The following NTAN1 variants were observed in gnomAD, a reference collection of about 807,000 sequenced individuals.
NTAN1 encodes the protein N-terminal asparagine amidase.
NTAN1 carries 32 observed loss-of-function variants against 41.9 expected under a neutral mutation model. The ratio of observed to expected loss-of-function variants is 0.76; its 90% CI spans 0.58 to 1.03. NTAN1 has a LOEUF of 1.03. NTAN1 is among the 50% of genes least tolerant of loss of function. The pLI, the probability that NTAN1 is intolerant of heterozygous loss-of-function variation, is 0.00. For missense variants in NTAN1, 377 were observed against 377.5 expected (o/e 1.00, Z 0.01); for synonymous variants, 140 against 139.5 (o/e 1.00, Z -0.03).
At chr16:15,051,125 G>C (rs1349998448) in intron 1 of NTAN1, among the ~76,000 whole-genome samples, 1 of 152,226 alleles carries the variant, frequency 6.6e-6, no homozygotes, top group Non-Finnish European at 1.5e-5. Flanking sequence ...TGTTCTTTGA[G>C]GGAAGGGAAG....
chr16:15,047,893 T>C lies in NTAN1; in HGVS notation c.212A>G (p.Asp71Gly), dbSNP rs750167440. The C allele has an allele frequency of 1.2e-6, 2 of 1,613,732 alleles. No individual in the cohort carries two copies. Among genetic ancestry groups the C allele is most frequent in the Non-Finnish European group, 1.7e-6 (2 of 1,179,602 alleles). Residue 71 changes from aspartate (D) to glycine (G), a missense_variant, in exon 3 of 10, where the codon GAT (aspartate) becomes GGT (glycine). Asp to Gly is a moderately conservative substitution (Grantham distance 94). Coordinates refer to ENST00000287706, the MANE Select transcript of NTAN1 (RefSeq NM_173474.4). ...GACCACAATGTGACAAGTAGTGGCA[T>C]CATCAGAACCCAGAATGGAGATGGA... is the stretch of plus-strand genomic sequence containing the variant. ...DGSISILGSDDATTCHIVVLR... is the reference protein window; with the variant it reads ...DGSISILGSDGATTCHIVVLR...
intron 9 of NTAN1, 54 bp from the exon 10 acceptor site, chr16:15,038,264 G>A (rs1388741224): frequency 1.6e-6 from 2 of 1,251,294 alleles, no homozygotes; most frequent in East Asian, 4.7e-5. Context: ...GTCCCCTGCT[G>A]TGATAAAGAT....
intron 1 of NTAN1, among the ~76,000 whole-genome samples, chr16:15,053,011 A>C (rs1413347129): frequency 6.6e-6 from 1 of 152,160 alleles, no homozygotes; most frequent in Non-Finnish European, 1.5e-5. Context: ...TCATGCTGGG[A>C]TGGCCACCGT....
intron 8 of NTAN1, 54 bp downstream of exon 8, chr16:15,039,915 A>G: frequency 9.8e-7 from 1 of 1,016,180 alleles, no homozygotes; most frequent in Non-Finnish European, 1.5e-6. Flanking sequence ...TAAGGCCTTG[A>G]CATTTGATGC....
intron 4 of NTAN1, 101 bp downstream of exon 4, chr16:15,047,341 A>T (rs2151714149): frequency 1.3e-6 from 1 of 785,682 alleles, no homozygotes; most frequent in Middle Eastern, 2.6e-4. Flanking sequence ...CAGACACGGC[A>T]GTGGTGGCAT....
At position 15,041,752 on chromosome 16, in the gene NTAN1, G is replaced by A. The variant is rs548835157; in HGVS notation, c.434-76C>T. 53 of 1,033,226 alleles carry A rather than the reference G, an allele frequency of 5.1e-5. 1 individual carries two copies. The South Asian group carries it at 5.4e-4, about 11-fold the overall frequency. 64.0% of individuals were successfully genotyped at this position (1,033,226 alleles called of 1,614,324 possible). On this transcript the variant is annotated intron_variant, in intron 5 of 9. Transcript: ENST00000287706. ...AGAACAAACTGCTGAGCAAGCCAAC[G>A]ACAGGGAGGGACGGCAGCCAACTGA...
chr16:15,039,981 T>C lies in NTAN1; in HGVS notation c.627A>G (p.Leu209=), dbSNP rs2043736464. Residue 209 remains leucine (L), a synonymous_variant, in exon 8 of 10, where the codon TTA becomes TTG. Transcript: ENST00000287706. ...ATTTGAAACTCACTGGTCCTCCTGC[T>C]AAAGTTCGCGCAGCACGAAGCTGCT... ...PEEQLRAART[L]AGGPMISIYD... 2 of 1,596,654 alleles carry C rather than the reference T, an allele frequency of 1.3e-6. No homozygotes were observed. The highest frequency in any genetic ancestry group is 2.7e-5 in the African/African-American group (2 of 74,510).
rs1182045392 is a variant in NTAN1, at chr16:15,038,398, G to GGACTT, written c.753+171_753+175dup. On this transcript the variant is annotated intron_variant, in intron 9 of 9. Coordinates refer to ENST00000287706, the MANE Select transcript of NTAN1 (RefSeq NM_173474.4). ...CTTTACCCACACACATTTCCATCTA[G>GGACTT]GACTTGACATATCCCCATTTGATAT... is the stretch of plus-strand genomic sequence containing the variant. 35 of 623,710 alleles carry GGACTT rather than the reference G, an allele frequency of 5.6e-5. No individual in the cohort carries two copies. The Middle Eastern group carries it at 1.3e-3, about 23-fold the overall frequency. 38.6% of individuals were successfully genotyped at this position (623,710 alleles called of 1,614,324 possible).
At chr16:15,052,820 G>C (rs1017151686) in intron 1 of NTAN1, among the ~76,000 whole-genome samples, 2 of 151,746 alleles carry the variant, frequency 1.3e-5, no homozygotes, top group Admixed American at 1.3e-4. Context: ...GCAAGGCTCT[G>C]TCTCTCAAAA....
At chr16:15,053,161 G>A (rs1259687520) in intron 1 of NTAN1, among the ~76,000 whole-genome samples, 1 of 152,214 alleles carries the variant, frequency 6.6e-6, no homozygotes, top group African/African-American at 2.4e-5. Context: ...CAGATGGCTC[G>A]TGGCTACTGT....
intron 3 of NTAN1, 127 bp from the exon 4 acceptor site, chr16:15,047,677 C>T: frequency 3.3e-6 from 3 of 913,552 alleles, no homozygotes; most frequent in Non-Finnish European, 5.4e-6. Flanking sequence ...ACGGACAGGT[C>T]TGTGCTCCCC....
intron 5 of NTAN1, among the ~76,000 whole-genome samples, chr16:15,043,663 A>T (rs1597776834): frequency 6.6e-6 from 1 of 152,134 alleles, no homozygotes; most frequent in East Asian, 1.9e-4. Context: ...ATATTTGCTA[A>T]TTTAGGCCAG....
chr16:15,038,553 AC>A lies in NTAN1; in HGVS notation c.753+20del. On this transcript the variant is annotated intron_variant, in intron 9 of 9. Transcript: ENST00000287706. Reference sequence around the variant, plus strand: ...ACCAGGGTGCAGAGATTTAAGACTTACCCAGCCTGTAAACTCTCACCTCTAG... The same window carrying A: ...ACCAGGGTGCAGAGATTTAAGACTTACCAGCCTGTAAACTCTCACCTCTAG... 1 of 1,317,620 alleles carries A rather than the reference AC, an allele frequency of 7.6e-7. No individual in the cohort carries two copies. Among genetic ancestry groups the A allele is most frequent in the East Asian group, 2.3e-5 (1 of 43,502 alleles). 81.6% of individuals were successfully genotyped at this position (1,317,620 alleles called of 1,614,324 possible). A position where few individuals can be genotyped will look rare whatever the true frequency, so the allele number is the denominator to read the frequency against.
At chr16:15,041,739 T>C in intron 5 of NTAN1, 63 bp from the exon 6 acceptor site, 1 of 1,228,028 alleles carries the variant, frequency 8.1e-7, no homozygotes, top group South Asian at 1.2e-5. Context: ...AACAAACTGC[T>C]GAGCAAGCCA....
rs139773894 is a variant in NTAN1, at chr16:15,056,017, C to G, written c.-46G>C. The G allele has an allele frequency of 1.6e-3, 1,614 of 1,030,718 alleles. 2 individuals carry two copies. Among genetic ancestry groups the G allele is most frequent in the Non-Finnish European group, 1.7e-3 (1,397 of 822,650 alleles). The allele number at this position is 1,030,718 out of a possible 1,614,324, so 63.8% of individuals were successfully genotyped here. On this transcript the variant is annotated 5_prime_UTR_variant, in exon 1 of 10. Coordinates refer to ENST00000287706, the MANE Select transcript of NTAN1 (RefSeq NM_173474.4). ...CAGGCCCAGGGAGGCGGCGGCCCCC[C>G]GCTTTGCAGCCCCGGGCCGCCCGCC...
At chr16:15,047,606 A>C in intron 3 of NTAN1, 56 bp from the exon 4 acceptor site, 1 of 1,263,090 alleles carries the variant, frequency 7.9e-7, no homozygotes, top group Non-Finnish European at 1.2e-6. Context: ...TGCAGTGCGC[A>C]GGCCGAGACT....
chr16:15,044,458 G>T, intron 4 of NTAN1, 51 bp from the exon 5 acceptor site: 1 of 1,169,408 alleles, frequency 8.6e-7, no homozygotes, highest in Non-Finnish European at 1.3e-6. Flanking sequence ...ACCGGTGCGT[G>T]CGCTGGTCTC....
chr16:15,041,778 G>C (rs1165421864), intron 5 of NTAN1, 102 bp from the exon 6 acceptor site: 8 of 841,686 alleles, frequency 9.5e-6, no homozygotes, highest in Non-Finnish European at 1.6e-5. Flanking sequence ...AGCCAACTGA[G>C]TGTGCTCCGC....
chr16:15,053,889 G>A (rs2044393993), intron 1 of NTAN1, among the ~76,000 whole-genome samples: 1 of 152,174 alleles, frequency 6.6e-6, no homozygotes, highest in African/African-American at 2.4e-5. Flanking sequence ...TCCAGCCTGG[G>A]CCACAGAACA....
Sources: allele counts gnomAD v4.1 joint callset (sites outside exome capture counted in the v4.1 genomes callset), GRCh38; gene constraint gnomAD v4.1.1; transcripts MANE v1.5; gene names NCBI Gene and HGNC (gene_info 2026-07-23, HGNC 2026-07-21).